The following DTWD2 variants were observed in gnomAD, a reference collection of about 807,000 sequenced individuals.
DTWD2 encodes the protein DTW motif tRNA-uridine aminocarboxypropyltransferase 2.
Under a neutral mutation model 31.8 loss-of-function variants are expected in DTWD2, and 39 were observed. That is an observed-to-expected ratio of 1.22 (90% CI 0.95 to 1.60). The LOEUF (loss-of-function observed/expected upper bound fraction) is 1.60, where lower values mean the gene tolerates loss of function less well. DTWD2 is among the 40% of genes most tolerant of loss of function. The pLI is 0.00. For synonymous variants in DTWD2, 180 were observed against 142.8 expected, an observed-to-expected ratio of 1.26 and a Z score of -1.86; for missense variants, 515 against 381.5, an observed-to-expected ratio of 1.35 and a Z score of -2.92.
intron 5 of DTWD2, among the ~76,000 whole-genome samples, chr5:118,847,231 G>GAGAA (rs745496142): frequency 6.6e-6 from 1 of 152,028 alleles, no homozygotes; most frequent in Non-Finnish European, 1.5e-5. Flanking sequence ...AATGGATAAT[G>GAGAA]AGAAAGAAAG....
At chr5:118,850,731 C>G (rs2112679125) in intron 4 of DTWD2, among the ~76,000 whole-genome samples, 1 of 152,122 alleles carries the variant, frequency 6.6e-6, no homozygotes, top group African/African-American at 2.4e-5. Context: ...AATCCGAAAA[C>G]CTACAGAATG....
At chr5:118,970,723 T>G (rs1025963836) in intron 1 of DTWD2, among the ~76,000 whole-genome samples, 3 of 152,034 alleles carry the variant, frequency 2.0e-5, no homozygotes, top group Non-Finnish European at 2.9e-5. Context: ...AGAAAAAATG[T>G]TAAGGGCAGC....
intron 4 of DTWD2, among the ~76,000 whole-genome samples, chr5:118,883,463 G>C (rs1394842290): frequency 1.3e-5 from 2 of 152,138 alleles, no homozygotes; most frequent in Admixed American, 6.5e-5. Flanking sequence ...CACTCTGCCA[G>C]TACCAATTTC....
intron 1 of DTWD2, among the ~76,000 whole-genome samples, chr5:118,966,093 G>A (rs931114427): frequency 2.2e-4 from 33 of 151,992 alleles, no homozygotes; most frequent in Admixed American, 1.5e-3. Context: ...TATCAGCTAC[G>A]GTTTGGGTGC....
intron 2 of DTWD2, among the ~76,000 whole-genome samples, chr5:118,943,495 G>A (rs2149585712): frequency 6.6e-6 from 1 of 150,696 alleles, no homozygotes; most frequent in South Asian, 2.1e-4. Context: ...AGCTTGCAGT[G>A]AGCTGAGATC....
intron 1 of DTWD2, among the ~76,000 whole-genome samples, chr5:118,969,109 C>T (rs1754922656): frequency 6.6e-6 from 1 of 152,126 alleles, no homozygotes; most frequent in South Asian, 2.1e-4. Context: ...GGTGGGGCTT[C>T]CCTGCAGGAA....
chr5:118,954,497 T>C (rs1000300956), intron 1 of DTWD2, among the ~76,000 whole-genome samples: 1 of 152,174 alleles, frequency 6.6e-6, no homozygotes, highest in South Asian at 2.1e-4. Flanking sequence ...GCTCAATAGA[T>C]ATTGCTGAAT....
chr5:118,852,334 CAGCTT>C (rs1299281890), intron 4 of DTWD2, among the ~76,000 whole-genome samples: 1 of 152,134 alleles, frequency 6.6e-6, no homozygotes, highest in East Asian at 1.9e-4. Context: ...TGTACATCCT[CAGCTT>C]ATGAAGATAA....
intron 1 of DTWD2, among the ~76,000 whole-genome samples, chr5:118,961,971 G>A (rs889586866): frequency 2.0e-5 from 3 of 152,226 alleles, no homozygotes; most frequent in Non-Finnish European, 4.4e-5. Context: ...GCCAGGCGCA[G>A]TGGCTCATGC....
intron 3 of DTWD2, among the ~76,000 whole-genome samples, chr5:118,935,466 T>G (rs1010696202): frequency 6.6e-6 from 1 of 152,126 alleles, no homozygotes; most frequent in African/African-American, 2.4e-5. Flanking sequence ...GGGTCAGAAT[T>G]GAACTGGAAG....
chr5:118,966,685 C>T (rs1754857459), intron 1 of DTWD2, among the ~76,000 whole-genome samples: 1 of 151,986 alleles, frequency 6.6e-6, no homozygotes, highest in Non-Finnish European at 1.5e-5. Context: ...TATCAAAATC[C>T]ATCTCCTAGT....
At chr5:118,862,099 G>A (rs1394954127) in intron 4 of DTWD2, among the ~76,000 whole-genome samples, 4 of 152,186 alleles carry the variant, frequency 2.6e-5, no homozygotes, top group Non-Finnish European at 4.4e-5. Context: ...CTAGATTCTC[G>A]TAGAAGCGCC....
chr5:118,849,656 G>T (rs532608491), intron 4 of DTWD2, among the ~76,000 whole-genome samples: 24 of 152,288 alleles, frequency 1.6e-4, no homozygotes, highest in African/African-American at 5.8e-4. Flanking sequence ...ACTGGATAAA[G>T]AAAATGTGGC....
At chr5:118,936,635 T>A (rs958596638) in intron 3 of DTWD2, among the ~76,000 whole-genome samples, 1 of 151,886 alleles carries the variant, frequency 6.6e-6, no homozygotes, top group Non-Finnish European at 1.5e-5. Context: ...CAAGACCCCA[T>A]CTCAATTTAT....
At chr5:118,921,461 A>G (rs1352458875) in intron 4 of DTWD2, among the ~76,000 whole-genome samples, 2 of 151,486 alleles carry the variant, frequency 1.3e-5, no homozygotes, top group Non-Finnish European at 2.9e-5. Flanking sequence ...TGGAAGCTGC[A>G]GTGAGCTATA....
At chr5:118,954,972 A>G (rs1205603524) in intron 1 of DTWD2, among the ~76,000 whole-genome samples, 3 of 152,006 alleles carry the variant, frequency 2.0e-5, no homozygotes, top group Non-Finnish European at 4.4e-5. Flanking sequence ...ATTCATTTGT[A>G]TTACAAATGA....
chr5:118,923,676 C>G (rs1753752308), intron 4 of DTWD2, among the ~76,000 whole-genome samples: 1 of 152,176 alleles, frequency 6.6e-6, no homozygotes, highest in South Asian at 2.1e-4. Context: ...TGTTCTAAAG[C>G]CTTTTAAATA....
Position 118,838,677 on chromosome 5 carries a change from A to ACTTGAC in DTWD2, c.*2239_*2240insGTCAAG, listed in dbSNP as rs533840194. 8.3e-4 allele frequency: 127 copies of ACTTGAC among 152,332 alleles called. 1 individual carries two copies. The highest frequency in any genetic ancestry group is 3.0e-3 in the African/African-American group (123 of 41,592). 9.4% of individuals were successfully genotyped at this position (152,332 alleles called of 1,614,324 possible). On this transcript the variant is annotated 3_prime_UTR_variant, in exon 6 of 6. Transcript: ENST00000510708. ...AACAAGTACAGTGAGTTAACAGGTC[A>ACTTGAC]GTAAAGTAATTTGGAAAACTATACA...
At chr5:118,856,764 C>CTTTTTTTTTT (rs68175368) in intron 4 of DTWD2, among the ~76,000 whole-genome samples, 33 of 44,342 alleles carry the variant, frequency 7.4e-4, no homozygotes, top group Non-Finnish European at 8.8e-4. Flanking sequence ...TTGAGGCTTA[C>CTTTTTTTTTT]TTTTTTTTTT....
Sources: allele counts gnomAD v4.1 joint callset (sites outside exome capture counted in the v4.1 genomes callset), GRCh38; gene constraint gnomAD v4.1.1; transcripts MANE v1.5; gene names NCBI Gene and HGNC (gene_info 2026-07-23, HGNC 2026-07-21).